Variants in ANGPTL4 observed in about 807,000 individuals in gnomAD.
ANGPTL4 encodes the protein angiopoietin like 4, also known as angiopoietin-related protein 4.
In ANGPTL4, 39 loss-of-function variants were observed where a neutral mutation model predicts 39.2. The observed-to-expected ratio is 1.00, with a 90% CI of 0.77 to 1.30. ANGPTL4 has a LOEUF of 1.30. Among genes scored for constraint, ANGPTL4 ranks in the 50% most tolerant of loss-of-function variants. The pLI, the probability that ANGPTL4 is intolerant of heterozygous loss-of-function variation, is 0.00. For synonymous variants in ANGPTL4, 233 were observed against 229.5 expected (o/e 1.02, Z -0.14); for missense variants, 545 against 549.8 (o/e 0.99, Z 0.09).
At position 8,371,472 on chromosome 19, in the gene ANGPTL4, A is replaced by G. The variant is rs543375556; in HGVS notation, c.989A>G (p.Asp330Gly). 4 of 1,613,202 alleles carry G rather than the reference A, an allele frequency of 2.5e-6. No homozygotes were observed. Among genetic ancestry groups the G allele is most frequent in the Non-Finnish European group, 3.4e-6 (4 of 1,180,020 alleles). The part of the protein sequence containing the change: ...SGLSVPFSTW[D>G]QDHDLRRDKN... ...CTCTCCGTACCCTTCTCCACTTGGG[A>G]CCAGGATCACGACCTCCGCAGGGAC... The change falls in exon 6 of 7, where the codon GAC becomes GGC. Residue 330 changes from aspartate (D) to glycine (G), a missense_variant. Physicochemically the swap from Asp to Gly is moderately conservative, Grantham distance 94. Transcript: ENST00000301455. This position sits in a 1 kb window ranked among gnomAD's most constrained non-coding sequence, Gnocchi z 5.1.
At chr19:8,369,137 A>T in intron 3 of ANGPTL4, 82 bp from the exon 4 acceptor site, 1 of 1,097,198 alleles carries the variant, frequency 9.1e-7, no homozygotes, top group Non-Finnish European at 1.4e-6. Flanking sequence ...ATCCACTGTT[A>T]AGCCCCCAGA....
Position 8,365,277 on chromosome 19 carries a change from A to C in ANGPTL4, c.318+638A>C, listed in dbSNP as rs568707187. Among the ~76,000 whole-genome samples the C allele has an allele frequency of 1.6e-3, 249 of 152,208 alleles. 1 individual carries two copies. Among genetic ancestry groups the C allele is most frequent in the African/African-American group, 5.7e-3 (237 of 41,542 alleles). ...TGGATCACCTGAGGTCAGGAGTTCA[A>C]GACCAGCCTGACCAACACAGTGAAA... On this transcript the variant is annotated intron_variant, in intron 1 of 6. Transcript: ENST00000301455.
chr19:8,364,486 G>GC lies in ANGPTL4; in HGVS notation c.166dup (p.Arg56ProfsTer39). 1.3e-5 allele frequency: 20 copies of GC among 1,564,344 alleles called. No individual in the cohort carries two copies. Among genetic ancestry groups the GC allele is most frequent in the Non-Finnish European group, 1.7e-5 (20 of 1,155,824 alleles). ...GACTCCTGCAGCTCGGCCAGGGGCTGCGCGAACACGCGGAGCGCACCCGCA... is the reference window on the plus strand; with the variant it reads ...GACTCCTGCAGCTCGGCCAGGGGCTGCCGCGAACACGCGGAGCGCACCCGCA... On this transcript the variant is annotated frameshift_variant, in exon 1 of 7. Coordinates refer to ENST00000301455, the MANE Select transcript of ANGPTL4 (RefSeq NM_139314.3). LOFTEE classifies it high-confidence loss of function.
intron 3 of ANGPTL4, among the ~76,000 whole-genome samples, chr19:8,368,185 A>G (rs1971044861): frequency 6.6e-6 from 1 of 152,000 alleles, no homozygotes; most frequent in South Asian, 2.1e-4. Flanking sequence ...CACCCAGCTA[A>G]TCTTTGTATG....
In ANGPTL4 at chr19:8,366,231, C is replaced by T; in HGVS notation, c.459C>T (p.Asp153=). Reference sequence around the variant, plus strand: ...GCCTCCTGGACCACAAGCACCTAGACCATGAGGTGGCCAAGCCTGCCCGAA... The same window carrying T: ...GCCTCCTGGACCACAAGCACCTAGATCATGAGGTGGCCAAGCCTGCCCGAA... ...QFGLLDHKHL[D]HEVAKPARRK... Residue 153 remains aspartate, a synonymous_variant, in exon 3 of 7, where the codon GAC becomes GAT. Coordinates refer to ENST00000301455, the MANE Select transcript of ANGPTL4 (RefSeq NM_139314.3). 6.2e-7 allele frequency: 1 copy of T among 1,614,150 alleles called. No individual in the cohort carries two copies. Among genetic ancestry groups the T allele is most frequent in the Non-Finnish European group, 8.5e-7 (1 of 1,180,044 alleles).
At chr19:8,367,876 G>A (rs559467845) in intron 3 of ANGPTL4, among the ~76,000 whole-genome samples, 1 of 152,298 alleles carries the variant, frequency 6.6e-6, no homozygotes, top group Admixed American at 6.5e-5. Context: ...TGTTGTCCAG[G>A]CTGGAGTGCA....
chr19:8,372,483 T>G (rs1396819205), intron 6 of ANGPTL4, among the ~76,000 whole-genome samples: 1 of 97,914 alleles, frequency 1.0e-5, no homozygotes, highest in Non-Finnish European at 1.9e-5. Context: ...AACCTCCACC[T>G]CCCGGGTTCA....
intron 3 of ANGPTL4, 145 bp from the exon 4 acceptor site, chr19:8,369,074 C>T (rs1971062447): frequency 1.3e-5 from 8 of 639,738 alleles, no homozygotes; most frequent in Non-Finnish European, 2.2e-5. Context: ...AGAGGTTAGG[C>T]AGATGGCAGA....
At position 8,365,948 on chromosome 19, in the gene ANGPTL4, C is replaced by T. The variant is rs1970993058; in HGVS notation, c.319-6C>T. 6.2e-7 allele frequency: 1 copy of T among 1,613,462 alleles called. No homozygotes were observed. The highest frequency in any genetic ancestry group is 1.3e-5 in the African/African-American group (1 of 75,028). Reference sequence around the variant, plus strand: ...GGTCCTCACCAAGGTTTTCACCCCTCCCCAGACACAACTCAAGGCTCAGAA... The same window carrying T: ...GGTCCTCACCAAGGTTTTCACCCCTTCCCAGACACAACTCAAGGCTCAGAA... On this transcript the variant is annotated splice_region_variant and splice_polypyrimidine_tract_variant and intron_variant, in intron 1 of 6. Coordinates refer to ENST00000301455, the MANE Select transcript of ANGPTL4 (RefSeq NM_139314.3).
At chr19:8,372,142 C>T (rs1480432387) in intron 6 of ANGPTL4, among the ~76,000 whole-genome samples, 20 of 151,942 alleles carry the variant, frequency 1.3e-4, no homozygotes, top group African/African-American at 4.4e-4. Context: ...CTGCAGCCTC[C>T]GCCTCCTGGG....
intron 1 of ANGPTL4, 133 bp downstream of exon 1, chr19:8,364,772 C>A: frequency 8.5e-7 from 1 of 1,177,772 alleles, no homozygotes; most frequent in Non-Finnish European, 1.2e-6. Context: ...AAGGGATGGG[C>A]TCCCCCCTTA....
At position 8,371,613 on chromosome 19, in the gene ANGPTL4, T is replaced by G; in HGVS notation, c.1039+91T>G. 6.4e-7 allele frequency: 1 copy of G among 1,550,444 alleles called. No individual in the cohort carries two copies. The highest frequency in any genetic ancestry group is 8.7e-7 in the Non-Finnish European group (1 of 1,145,430). ...CCTGCCTTCAACCCCACATTGCATCTGTTTCCTGCCCCCACCTCTTCCTTA... is the reference window on the plus strand; with the variant it reads ...CCTGCCTTCAACCCCACATTGCATCGGTTTCCTGCCCCCACCTCTTCCTTA... On this transcript the variant is annotated intron_variant, in intron 6 of 6. Transcript: ENST00000301455. This position sits in a 1 kb window ranked among gnomAD's most constrained non-coding sequence, Gnocchi z 5.1.
rs145509749 is a variant in ANGPTL4 at position 8,373,887 on chromosome 19, C to A, written c.*1C>A. On this transcript the variant is annotated 3_prime_UTR_variant, in exon 7 of 7. Transcript: ENST00000301455. ...CATGGCAGCAGAGGCAGCCTCCTAG[C>A]GTCCTGGCTGGGCCTGGTCCCAGGC... is the stretch of plus-strand genomic sequence containing the variant. 5 of 1,613,016 alleles carry A rather than the reference C, an allele frequency of 3.1e-6. No homozygotes were observed. The African/African-American group carries it at 5.3e-5, about 17-fold the overall frequency.
rs1275810050 is a variant in ANGPTL4, at chr19:8,371,226, C to T, written c.758-15C>T. ...GAAGTGGCCCTGCCTCATGGAGTGG[C>T]CTCTCCCACTCCAGGCGAGTTCTGG... On this transcript the variant is annotated splice_polypyrimidine_tract_variant and intron_variant, in intron 5 of 6. Transcript: ENST00000301455. The surrounding 1 kb of genome is among the most constrained non-coding windows in gnomAD (Gnocchi z 5.1). 1 of 1,614,074 alleles carries T rather than the reference C, an allele frequency of 6.2e-7. No homozygotes were observed. The highest frequency in any genetic ancestry group is 2.2e-5 in the East Asian group (1 of 44,880).
At chr19:8,364,862 T>TAC (rs34409703) in intron 1 of ANGPTL4, among the ~76,000 whole-genome samples, 37,534 of 148,946 alleles carry the variant, frequency 0.25, 5,267 homozygotes, top group Non-Finnish European at 0.31. Flanking sequence ...CCGTCTCTTC[T>TAC]ACACACACAC....
At chr19:8,370,700 T>TTAA (rs1454581920) in intron 4 of ANGPTL4, among the ~76,000 whole-genome samples, 4 of 99,240 alleles carry the variant, frequency 4.0e-5, no homozygotes, top group Admixed American at 1.1e-4. Flanking sequence ...ACTCCATCTC[T>TTAA]AAAAAAAAAA....
At position 8,365,002 on chromosome 19, in the gene ANGPTL4, C is replaced by T. The variant is rs1271393704; in HGVS notation, c.318+363C>T. ...TGGCCAACATGGAGAAACCTCGTCT[C>T]TACTAAAAATACAAAAAATTAGCCT... On this transcript the variant is annotated intron_variant, in intron 1 of 6. Coordinates refer to ENST00000301455, the MANE Select transcript of ANGPTL4 (RefSeq NM_139314.3). Among the ~76,000 whole-genome samples the T allele has an allele frequency of 1.4e-4, 21 of 152,160 alleles. 1 individual carries two copies. The highest frequency in any genetic ancestry group is 1.1e-3 in the Admixed American group (17 of 15,274).
chr19:8,366,142 C>T (rs951801645), intron 2 of ANGPTL4, 60 bp from the exon 3 acceptor site: 45 of 1,608,436 alleles, frequency 2.8e-5, no homozygotes, highest in African/African-American at 8.0e-5. Context: ...GAGAACTGGA[C>T]GTGTGGCTGG....
chr19:8,368,599 C>G (rs571822427), intron 3 of ANGPTL4, among the ~76,000 whole-genome samples: 1 of 152,150 alleles, frequency 6.6e-6, no homozygotes, highest in Admixed American at 6.5e-5. Flanking sequence ...TGGTTCACAC[C>G]TGTAATCCCA....
Sources: allele counts gnomAD v4.1 joint callset (sites outside exome capture counted in the v4.1 genomes callset), GRCh38; gene constraint gnomAD v4.1.1; non-coding constraint Gnocchi (gnomAD v3.1); transcripts MANE v1.5; gene names NCBI Gene and HGNC (gene_info 2026-07-23, HGNC 2026-07-21).